DIP2C: variants seen among roughly 807,000 people sequenced by gnomAD.
DIP2C encodes the protein DIP2 acetate--CoA ligase C (putative).
A neutral mutation model predicts 192.4 loss-of-function variants in DIP2C; 33 were observed. That is an observed-to-expected ratio of 0.17 (90% CI 0.13 to 0.23). The LOEUF is 0.23. DIP2C is among the 10% of genes least tolerant of loss of function. The probability of loss-of-function intolerance (pLI) is 1.00; values close to 1 mark genes in which losing one functional copy is unlikely to be tolerated. For missense variants in DIP2C, 1,537 were observed against 2,110.1 expected (o/e 0.73, Z 5.32); for synonymous variants, 979 against 864.1 (o/e 1.13, Z -2.33).
chr10:479,327 G>GC (rs1321318497), intron 2 of DIP2C, among the ~76,000 whole-genome samples: 13 of 104,804 alleles, frequency 1.2e-4, no homozygotes, highest in Middle Eastern at 0.013. Flanking sequence ...TTCTCACACT[G>GC]CTTTTTTTTT....
chr10:663,028 T>C lies in DIP2C; in HGVS notation c.85+26466A>G, dbSNP rs1200781685. The C allele has an allele frequency of 5.8e-6, 4 of 687,888 alleles. No homozygotes were observed. In the African/African-American group the frequency reaches 7.0e-5, roughly 12 times the overall value. 42.6% of individuals were successfully genotyped at this position (687,888 alleles called of 1,614,324 possible). A position where few individuals can be genotyped will look rare whatever the true frequency, so the allele number is the denominator to read the frequency against. ...GGGTTTCTATGTCCAGGAAAGACTC[T>C]AAACACTCTGGACCCTGCTGGGGCA... On this transcript the variant is annotated intron_variant, in intron 1 of 36. Transcript: ENST00000280886.
chr10:520,845 T>A (rs1034669163), intron 1 of DIP2C, among the ~76,000 whole-genome samples: 3 of 152,248 alleles, frequency 2.0e-5, no homozygotes, highest in African/African-American at 7.2e-5. Flanking sequence ...GTTGCCTCCA[T>A]CTGCATGTTC....
chr10:313,794 A>G (rs1956661071), intron 31 of DIP2C, among the ~76,000 whole-genome samples: 1 of 152,238 alleles, frequency 6.6e-6, no homozygotes, highest in East Asian at 1.9e-4. Flanking sequence ...TATTGAACAA[A>G]TGAGTTATAT....
intron 1 of DIP2C, among the ~76,000 whole-genome samples, chr10:671,846 G>A (rs1260518760): frequency 1.4e-5 from 2 of 145,730 alleles, no homozygotes; most frequent in African/African-American, 2.6e-5. Context: ...CACGGAAGGA[G>A]GAAACAGGCC....
chr10:583,403 A>G (rs1850788213), intron 1 of DIP2C, among the ~76,000 whole-genome samples: 1 of 152,246 alleles, frequency 6.6e-6, no homozygotes, highest in Non-Finnish European at 1.5e-5. Context: ...TTAAAAGGCA[A>G]TTCATTATCC....
At chr10:575,075 G>A (rs747683285) in intron 1 of DIP2C, among the ~76,000 whole-genome samples, 8 of 152,114 alleles carry the variant, frequency 5.3e-5, no homozygotes, top group Non-Finnish European at 8.8e-5. Context: ...TGGCTTCAAG[G>A]AAAATAGACA....
At chr10:352,921 T>C (rs934030345) in intron 24 of DIP2C, among the ~76,000 whole-genome samples, 7 of 152,114 alleles carry the variant, frequency 4.6e-5, no homozygotes, top group African/African-American at 9.7e-5. Flanking sequence ...AACTTTTGCT[T>C]GCACTTTCCA....
intron 31 of DIP2C, among the ~76,000 whole-genome samples, chr10:319,182 GGATTACAGGCGTGA>G (rs1253300532): frequency 3.9e-5 from 6 of 152,000 alleles, no homozygotes; most frequent in African/African-American, 1.5e-4. Flanking sequence ...TGAAGTGCTG[GGATTACAGGCGTGA>G]GCCACCGCGC....
intron 31 of DIP2C, among the ~76,000 whole-genome samples, chr10:320,399 T>C (rs1018860331): frequency 1.9e-4 from 29 of 151,548 alleles, no homozygotes; most frequent in Non-Finnish European, 1.5e-5. Context: ...TACCAGCTAC[T>C]TGGGAGGCTG....
At chr10:617,921 T>A (rs1159800695) in intron 1 of DIP2C, among the ~76,000 whole-genome samples, 1 of 123,404 alleles carries the variant, frequency 8.1e-6, no homozygotes. Flanking sequence ...AAATCCACTT[T>A]GACTTCCCTG....
chr10:567,507 G>A (rs374863720), intron 1 of DIP2C, among the ~76,000 whole-genome samples: 9 of 152,228 alleles, frequency 5.9e-5, no homozygotes, highest in African/African-American at 1.9e-4. Flanking sequence ...ACAACTGAAA[G>A]TTAGCAGATA....
chr10:341,728 T>C (rs1958157656), intron 28 of DIP2C, among the ~76,000 whole-genome samples: 1 of 152,214 alleles, frequency 6.6e-6, no homozygotes, highest in African/African-American at 2.4e-5. Context: ...ATGAAATGTA[T>C]GCTGGCCTGG....
intron 31 of DIP2C, among the ~76,000 whole-genome samples, chr10:321,616 TCA>T (rs1957028915): frequency 1.2e-4 from 16 of 131,382 alleles, no homozygotes; most frequent in East Asian, 7.1e-4. Context: ...GTTAGAACAG[TCA>T]GTCGGGGGTG....
intron 1 of DIP2C, among the ~76,000 whole-genome samples, chr10:499,258 C>T (rs1042733964): frequency 2.0e-5 from 3 of 152,072 alleles, no homozygotes; most frequent in Admixed American, 1.3e-4. Flanking sequence ...ACTGGCTGCT[C>T]GTTGGCAGCG....
chr10:426,316 A>G (rs1350107518), intron 4 of DIP2C, among the ~76,000 whole-genome samples: 1 of 152,230 alleles, frequency 6.6e-6, no homozygotes, highest in African/African-American at 2.4e-5. Flanking sequence ...ACTGACAACT[A>G]TAAAACATTA....
chr10:531,148 G>A (rs568214408), intron 1 of DIP2C, among the ~76,000 whole-genome samples: 71 of 152,148 alleles, frequency 4.7e-4, no homozygotes, highest in African/African-American at 1.4e-3. Context: ...CAAATGTTAC[G>A]CTCGCCCCAA....
intron 1 of DIP2C, among the ~76,000 whole-genome samples, chr10:568,783 AAAAAAAAAAAAAAAAC>A (rs1247436213): frequency 1.6e-4 from 24 of 146,952 alleles, no homozygotes; most frequent in South Asian, 1.3e-3. Context: ...AAAAAAAAAA[AAAAAAAAAAAAAAAAC>A]CTTCACTTGA....
At chr10:399,431 G>A (rs1279303211) in intron 9 of DIP2C, among the ~76,000 whole-genome samples, 1 of 152,220 alleles carries the variant, frequency 6.6e-6, no homozygotes, top group East Asian at 1.9e-4. Context: ...CTATGATACT[G>A]TCACCAGAGT....
chr10:634,030 C>A (rs553518509), intron 1 of DIP2C, among the ~76,000 whole-genome samples: 2 of 152,232 alleles, frequency 1.3e-5, no homozygotes, highest in African/African-American at 4.8e-5. Context: ...GCAGGCTGGC[C>A]GCCTTCCAGA....
Sources: allele counts gnomAD v4.1 joint callset (sites outside exome capture counted in the v4.1 genomes callset), GRCh38; gene constraint gnomAD v4.1.1; transcripts MANE v1.5; gene names NCBI Gene and HGNC (gene_info 2026-07-23, HGNC 2026-07-21).